Variants in MAP4K3 observed in about 807,000 individuals in gnomAD.
MAP4K3 encodes mitogen-activated protein kinase kinase kinase kinase 3, also known as MAPK/ERK kinase kinase kinase 3.
Under a neutral mutation model 143.5 loss-of-function variants are expected in MAP4K3, and 94 were observed. The observed-to-expected ratio is 0.65, with a 90% CI of 0.55 to 0.78. The LOEUF (loss-of-function observed/expected upper bound fraction) is 0.78. Among genes scored for constraint, MAP4K3 ranks in the 30% least tolerant of loss-of-function variants. The pLI, the probability that MAP4K3 is intolerant of heterozygous loss-of-function variation, is 0.00. For synonymous variants in MAP4K3, 416 were observed against 347.2 expected (o/e 1.20, Z -2.20); for missense variants, 1,077 against 1,068.1 (o/e 1.01, Z -0.12).
At chr2:39,292,070 T>A (rs1333256111) in intron 18 of MAP4K3, among the ~76,000 whole-genome samples, 1 of 151,932 alleles carries the variant, frequency 6.6e-6, no homozygotes, top group African/African-American at 2.4e-5. Flanking sequence ...AATGCATACA[T>A]AATAGTAAAA....
intron 1 of MAP4K3, among the ~76,000 whole-genome samples, chr2:39,423,828 T>C (rs1664967859): frequency 6.6e-6 from 1 of 152,232 alleles, no homozygotes; most frequent in South Asian, 2.1e-4. Context: ...TTCTGTATGA[T>C]ACTATACTGA....
intron 1 of MAP4K3, among the ~76,000 whole-genome samples, chr2:39,381,997 T>C (rs1308389521): frequency 6.6e-6 from 1 of 152,168 alleles, no homozygotes; most frequent in Non-Finnish European, 1.5e-5. Context: ...AGTGGACTGG[T>C]GAGGAAAATC....
At chr2:39,379,318 T>C (rs1666301955) in intron 1 of MAP4K3, among the ~76,000 whole-genome samples, 1 of 152,064 alleles carries the variant, frequency 6.6e-6, no homozygotes, top group Non-Finnish European at 1.5e-5. Context: ...CTCATAGAAA[T>C]TAATAAAATT....
In MAP4K3 at chr2:39,325,631, A is replaced by G. The variant is rs780009785; in HGVS notation, c.808-3T>C. 5 of 1,607,922 alleles carry G rather than the reference A, an allele frequency of 3.1e-6. No homozygotes were observed. The South Asian group carries it at 5.5e-5, about 18-fold the overall frequency. ...AAATGTTGTGTTACAAAAGGATGCT[A>G]TAAAAATTAAATACAATGCAGAACA... On this transcript the variant is annotated splice_polypyrimidine_tract_variant and splice_region_variant and intron_variant, in intron 11 of 33. Coordinates refer to ENST00000263881, the MANE Select transcript of MAP4K3 (RefSeq NM_003618.4).
chr2:39,429,993 T>C (rs1665235648), intron 1 of MAP4K3, among the ~76,000 whole-genome samples: 1 of 152,336 alleles, frequency 6.6e-6, no homozygotes, highest in Admixed American at 6.5e-5. Context: ...GCTTTCATGG[T>C]GACCGAAAGG....
intron 24 of MAP4K3, among the ~76,000 whole-genome samples, chr2:39,273,776 T>G (rs1681134709): frequency 1.3e-5 from 2 of 152,242 alleles, no homozygotes; most frequent in Non-Finnish European, 2.9e-5. Flanking sequence ...ATTTGTAAAA[T>G]GTGCCTATAC....
At chr2:39,263,122 A>G (rs1392334809) in intron 28 of MAP4K3, among the ~76,000 whole-genome samples, 1 of 152,156 alleles carries the variant, frequency 6.6e-6, no homozygotes, top group Non-Finnish European at 1.5e-5. Context: ...TAATGATGCA[A>G]AAACTGTCAG....
chr2:39,355,245 CAGG>C (rs1665577247), intron 3 of MAP4K3, among the ~76,000 whole-genome samples: 3 of 151,034 alleles, frequency 2.0e-5, no homozygotes, highest in Admixed American at 6.6e-5. Context: ...GCTGCAGTCC[CAGG>C]TACTCAGGAG....
intron 1 of MAP4K3, among the ~76,000 whole-genome samples, chr2:39,419,861 A>G (rs1472811107): frequency 6.6e-6 from 1 of 152,218 alleles, no homozygotes; most frequent in Non-Finnish European, 1.5e-5. Context: ...TGCTTTTTGA[A>G]GATTTGGAGT....
chr2:39,374,692 A>C (rs1008901078), intron 2 of MAP4K3, among the ~76,000 whole-genome samples: 3 of 152,166 alleles, frequency 2.0e-5, no homozygotes, highest in South Asian at 2.1e-4. Context: ...AAATTAAAAA[A>C]AAATTAAACA....
chr2:39,397,031 C>A (rs772770384), intron 1 of MAP4K3, among the ~76,000 whole-genome samples: 10 of 152,156 alleles, frequency 6.6e-5, no homozygotes, highest in African/African-American at 2.2e-4. Context: ...TTTCACATCA[C>A]CCCTGCCACA....
chr2:39,276,837 G>A (rs1213541008), intron 24 of MAP4K3, among the ~76,000 whole-genome samples: 1 of 152,178 alleles, frequency 6.6e-6, no homozygotes, highest in East Asian at 1.9e-4. Flanking sequence ...TCCCCATACT[G>A]GGGGAGAGGA....
chr2:39,398,389 G>C (rs1016566136), intron 1 of MAP4K3, among the ~76,000 whole-genome samples: 1 of 151,974 alleles, frequency 6.6e-6, no homozygotes, highest in African/African-American at 2.4e-5. Context: ...AGGGTGCAAA[G>C]TATTAGTGTG....
At chr2:39,337,289 T>C (rs2148528145) in intron 5 of MAP4K3, among the ~76,000 whole-genome samples, 1 of 152,316 alleles carries the variant, frequency 6.6e-6, no homozygotes, top group South Asian at 2.1e-4. Flanking sequence ...GAGGAAAATA[T>C]ACAATAACAG....
intron 28 of MAP4K3, among the ~76,000 whole-genome samples, chr2:39,263,936 T>C (rs1680670846): frequency 6.6e-6 from 1 of 152,206 alleles, no homozygotes; most frequent in Non-Finnish European, 1.5e-5. Context: ...GCATAAATGG[T>C]TTACCATATT....
chr2:39,282,554 T>C lies in MAP4K3; in HGVS notation c.1588A>G (p.Lys530Glu), dbSNP rs748292580. ...GGAGGAAGACCATTACTAATAGGCT[T>C]CTAGAAAAAGAACACATGTATGATT... ...LSRKEKKDVP[K>E]PISNGLPPTP... is the part of the protein sequence containing the mutation. Residue 530 changes from lysine to glutamate, a missense_variant and splice_region_variant, in exon 22 of 34, where the codon AAG (lysine) becomes GAG (glutamate). By Grantham distance (56) the Lys-to-Glu change is moderately conservative. Around this residue, in one of 2 missense-constraint regions of MAP4K3, gnomAD observed 864 missense variants for 801.2 expected, o/e 1.08. Transcript: ENST00000263881. 1.2e-6 allele frequency: 2 copies of C among 1,610,032 alleles called. No individual in the cohort carries two copies. The highest frequency in any genetic ancestry group is 2.2e-5 in the East Asian group (1 of 44,742).
intron 8 of MAP4K3, among the ~76,000 whole-genome samples, chr2:39,331,168 G>C (rs1683670689): frequency 1.3e-5 from 2 of 152,064 alleles, no homozygotes; most frequent in Admixed American, 6.6e-5. Context: ...GGGCATCAGG[G>C]GAGTGGTTGC....
At chr2:39,317,219 T>C (rs1573140170) in intron 12 of MAP4K3, among the ~76,000 whole-genome samples, 1 of 151,958 alleles carries the variant, frequency 6.6e-6, no homozygotes, top group African/African-American at 2.4e-5. Flanking sequence ...ATACAGAAGA[T>C]TGAAACTGGA....
chr2:39,361,334 C>T (rs1390894358), intron 2 of MAP4K3, among the ~76,000 whole-genome samples: 1 of 152,032 alleles, frequency 6.6e-6, no homozygotes, highest in African/African-American at 2.4e-5. Context: ...ATGTACCACA[C>T]TTAACATATT....
Sources: allele counts gnomAD v4.1 joint callset (sites outside exome capture counted in the v4.1 genomes callset), GRCh38; gene constraint gnomAD v4.1.1; regional missense constraint gnomAD v4.1.1; transcripts MANE v1.5; gene names NCBI Gene and HGNC (gene_info 2026-07-23, HGNC 2026-07-21).